The following LLGL2 variants were observed in gnomAD, a reference collection of about 807,000 sequenced individuals.
LLGL2 encodes the protein LLGL scribble cell polarity complex component 2, also known as LLGL2, scribble cell polarity complex component.
A neutral mutation model predicts 123.2 loss-of-function variants in LLGL2; 81 were observed. That is an observed-to-expected ratio of 0.66 (90% CI 0.55 to 0.79). The LOEUF (loss-of-function observed/expected upper bound fraction) is 0.79. Ranked by LOEUF, LLGL2 falls within the 30% of genes least tolerant of loss-of-function variation. The pLI is 0.00. For missense variants in LLGL2, 1,273 were observed against 1,414.6 expected (o/e 0.90, Z 1.61); for synonymous variants, 577 against 594.1 (o/e 0.97, Z 0.42).
intron 22 of LLGL2, 43 bp from the exon 23 acceptor site, chr17:75,574,170 G>A (rs921090818): frequency 2.0e-6 from 3 of 1,519,520 alleles, no homozygotes; most frequent in Non-Finnish European, 2.7e-6. Flanking sequence ...CCAGGCCGAG[G>A]AGGGCCCAGG....
chr17:75,565,651 G>A (rs1202438705), intron 10 of LLGL2, among the ~76,000 whole-genome samples: 2 of 152,216 alleles, frequency 1.3e-5, no homozygotes, highest in Non-Finnish European at 2.9e-5. Flanking sequence ...AACTTGCTGA[G>A]CTACAAATTC....
chr17:75,563,907 C>A, intron 9 of LLGL2, 101 bp downstream of exon 9: 1 of 1,178,856 alleles, frequency 8.5e-7, no homozygotes, highest in Non-Finnish European at 1.3e-6. Context: ...AGTGAACACT[C>A]TCAGGTCCCG....
rs112824868 is a variant in LLGL2 at position 75,564,879 on chromosome 17, A to G, written c.1036+372A>G. 2.2e-4 allele frequency among the ~76,000 whole-genome samples: 33 copies of G among 148,408 alleles called. No individual in the cohort carries two copies. The highest frequency in any genetic ancestry group is 3.1e-4 in the Non-Finnish European group (21 of 67,084). Reference sequence around the variant, plus strand: ...CTGTGTCTCAAAAAAAAAAAAAAAAAGGGCTCTGCACAGATGTTCCTAAGC... The same window carrying G: ...CTGTGTCTCAAAAAAAAAAAAAAAAGGGGCTCTGCACAGATGTTCCTAAGC... On this transcript the variant is annotated intron_variant, in intron 10 of 25. Transcript: ENST00000392550. The surrounding 1 kb of genome is among the most constrained non-coding windows in gnomAD (Gnocchi z 4.9).
chr17:75,534,733 G>A lies in LLGL2; in HGVS notation c.-30-8664G>A, dbSNP rs554267763. 5.3e-5 allele frequency among the ~76,000 whole-genome samples: 8 copies of A among 152,236 alleles called. No individual in the cohort carries two copies. In the South Asian group the frequency reaches 1.5e-3, roughly 28 times the overall value. On this transcript the variant is annotated intron_variant, in intron 1 of 25. Transcript: ENST00000392550. Reference sequence around the variant, plus strand: ...TAGGTTCAGTGGATTCTCCTGCCTCGACCTCCCAAAGTGCTGGGATTACAG... The same window carrying A: ...TAGGTTCAGTGGATTCTCCTGCCTCAACCTCCCAAAGTGCTGGGATTACAG...
chr17:75,541,715 CTTTTTTTTTTTT>C (rs56656168), intron 1 of LLGL2, among the ~76,000 whole-genome samples: 9 of 31,510 alleles, frequency 2.9e-4, no homozygotes, highest in South Asian at 1.6e-3. Context: ...TGTGGCTCTG[CTTTTTTTTTTTT>C]TTTTTTTTTT....
chr17:75,574,070 G>C, intron 22 of LLGL2, 90 bp downstream of exon 22: 2 of 1,549,794 alleles, frequency 1.3e-6, no homozygotes, highest in South Asian at 1.2e-5. Context: ...CGAGTGAGCA[G>C]GTAGTGTTTG....
chr17:75,574,060 C>G, intron 22 of LLGL2, 80 bp downstream of exon 22: 2 of 1,550,206 alleles, frequency 1.3e-6, no homozygotes, highest in South Asian at 1.2e-5. Flanking sequence ...GGAAGGGTCC[C>G]GAGTGAGCAG....
chr17:75,558,628 G>A lies in LLGL2; in HGVS notation c.371+1G>A, dbSNP rs2055029252. ...GCTTCACACTGCGTGGACCCCCAGG[G>A]TAAGGGCTCAATCCCCAGCCCCTTC... On this transcript the variant is annotated splice_donor_variant, in intron 5 of 25. Transcript: ENST00000392550. LOFTEE classifies it high-confidence loss of function. The surrounding 1 kb of genome is among the most constrained non-coding windows in gnomAD (Gnocchi z 4.0). The A allele has an allele frequency of 6.3e-7, 1 of 1,594,510 alleles. No individual in the cohort carries two copies. The highest frequency in any genetic ancestry group is 8.5e-7 in the Non-Finnish European group (1 of 1,170,642).
chr17:75,556,170 C>T (rs201650903), intron 3 of LLGL2, 27 bp downstream of exon 3: 13 of 1,563,968 alleles, frequency 8.3e-6, no homozygotes, highest in East Asian at 2.2e-5. Context: ...CGCTCCCACT[C>T]GGGCAGGGCC....
At chr17:75,557,602 C>T (rs2054974469) in intron 3 of LLGL2, among the ~76,000 whole-genome samples, 1 of 152,210 alleles carries the variant, frequency 6.6e-6, no homozygotes, top group Non-Finnish European at 1.5e-5. Flanking sequence ...CCCTCTTCCC[C>T]TCTGCCCGGT....
chr17:75,537,809 C>CTTTTTTT (rs563954111), intron 1 of LLGL2, among the ~76,000 whole-genome samples: 2 of 130,218 alleles, frequency 1.5e-5, no homozygotes, highest in African/African-American at 2.9e-5. Context: ...GGAAGGTGAC[C>CTTTTTTT]TTTTTTTTTT....
At chr17:75,560,822 A>AAC (rs2055178801) in intron 6 of LLGL2, among the ~76,000 whole-genome samples, 1 of 88,812 alleles carries the variant, frequency 1.1e-5, no homozygotes, top group African/African-American at 6.5e-5. Context: ...AAAAAAAAAA[A>AAC]AAAAAAAAAA....
At chr17:75,538,489 A>C (rs185811155) in intron 1 of LLGL2, 36 of 152,286 alleles carry the variant, frequency 2.4e-4, no homozygotes, top group Admixed American at 1.6e-3. Flanking sequence ...AGTCAGTCTC[A>C]GTGGAGACCT....
intron 6 of LLGL2, among the ~76,000 whole-genome samples, chr17:75,560,139 C>T (rs1421095134): frequency 6.6e-6 from 1 of 152,186 alleles, no homozygotes; most frequent in Non-Finnish European, 1.5e-5. Context: ...GCTCTCCAGC[C>T]CTGGGTGGTG....
chr17:75,567,003 A>T (rs533326521), intron 10 of LLGL2, among the ~76,000 whole-genome samples: 2 of 152,310 alleles, frequency 1.3e-5, no homozygotes, highest in Admixed American at 6.5e-5. Context: ...AGGGGCCCTG[A>T]TGAGGCTGCC....
intron 1 of LLGL2, among the ~76,000 whole-genome samples, chr17:75,536,517 C>T (rs2054007881): frequency 6.6e-6 from 1 of 152,188 alleles, no homozygotes; most frequent in Admixed American, 6.5e-5. Flanking sequence ...GTACCTCTCC[C>T]CACTCAGGTT....
At chr17:75,557,946 C>T in intron 3 of LLGL2, 1 of 647,080 alleles carries the variant, frequency 1.5e-6, no homozygotes, top group East Asian at 2.8e-5. Context: ...AAAAATCTCC[C>T]AGGGATCAGG....
chr17:75,572,944 C>T (rs1224777444), intron 19 of LLGL2, 70 bp from the exon 20 acceptor site: 1 of 1,494,058 alleles, frequency 6.7e-7, no homozygotes, highest in African/African-American at 1.4e-5. Context: ...AGGGGAGGGC[C>T]CAGCAGCAGC....
In LLGL2 at chr17:75,543,408, G is replaced by C; in HGVS notation, c.-19G>C. The C allele has an allele frequency of 6.3e-7, 1 of 1,599,652 alleles. No homozygotes were observed. The highest frequency in any genetic ancestry group is 2.3e-5 in the East Asian group (1 of 44,090). ...TTCTGTTTCTCCAGGTCTCCAGTGG[G>C]GGCTGCAGACTAAGCAAAATGAGGC... is the stretch of plus-strand genomic sequence containing the variant. On this transcript the variant is annotated 5_prime_UTR_variant, in exon 2 of 26. Transcript: ENST00000392550.
Sources: allele counts gnomAD v4.1 joint callset (sites outside exome capture counted in the v4.1 genomes callset), GRCh38; gene constraint gnomAD v4.1.1; non-coding constraint Gnocchi (gnomAD v3.1); transcripts MANE v1.5; gene names NCBI Gene and HGNC (gene_info 2026-07-23, HGNC 2026-07-21).